The following ERBB4 variants were observed in gnomAD, a reference collection of about 807,000 sequenced individuals.
ERBB4 encodes receptor tyrosine-protein kinase erbB-4.
A neutral mutation model predicts 158.0 loss-of-function variants in ERBB4; 42 were observed. That is an observed-to-expected ratio of 0.27 (90% CI 0.21 to 0.34). The LOEUF (loss-of-function observed/expected upper bound fraction) is 0.34. Among genes scored for constraint, ERBB4 ranks in the 10% least tolerant of loss-of-function variants. The pLI is 1.00. For synonymous variants in ERBB4, 583 were observed against 558.7 expected (o/e 1.04, Z -0.61); for missense variants, 1,333 against 1,624.1 (o/e 0.82, Z 3.08).
At chr2:211,646,781 T>C (rs148031879) in intron 16 of ERBB4, among the ~76,000 whole-genome samples, 39 of 151,822 alleles carry the variant, frequency 2.6e-4, no homozygotes, top group African/African-American at 8.2e-4. Context: ...TCTAATTTAA[T>C]GAGTCTAGAG....
intron 18 of ERBB4, 82 bp from the exon 19 acceptor site, chr2:211,619,357 A>C: frequency 1.3e-6 from 1 of 799,680 alleles, no homozygotes; most frequent in Non-Finnish European, 2.2e-6. Context: ...TTGATATTAT[A>C]ACATTCAATC....
chr2:212,027,407 A>T (rs2076798920), intron 2 of ERBB4, among the ~76,000 whole-genome samples: 2 of 151,976 alleles, frequency 1.3e-5, no homozygotes, highest in Non-Finnish European at 2.9e-5. Context: ...GAGAGTTTAG[A>T]CCCTTAGCTT....
intron 1 of ERBB4, among the ~76,000 whole-genome samples, chr2:212,380,580 A>AT: frequency 6.6e-6 from 1 of 150,938 alleles, no homozygotes; most frequent in Non-Finnish European, 1.5e-5. Context: ...TTATTTTAAG[A>AT]TAGTGTACTT....
In ERBB4 at chr2:211,677,325, G is replaced by A. The variant is rs191874008; in HGVS notation, c.1622+1727C>T. ...CATACCTGTAATCCCAGCACTTTGG[G>A]AGGCCGAGGCAGGCAGATCACCTGA... On this transcript the variant is annotated intron_variant, in intron 13 of 27. Transcript: ENST00000342788. 2.0e-3 allele frequency among the ~76,000 whole-genome samples: 298 copies of A among 152,212 alleles called. 2 individuals carry two copies. The highest frequency in any genetic ancestry group is 9.6e-3 in the Admixed American group (147 of 15,284).
chr2:212,013,228 TG>T (rs2125310886), intron 2 of ERBB4, among the ~76,000 whole-genome samples: 1 of 152,226 alleles, frequency 6.6e-6, no homozygotes, highest in South Asian at 2.1e-4. Context: ...AACTAATTTT[TG>T]TATTTTTACC....
chr2:211,924,266 G>A (rs887294454), intron 3 of ERBB4, among the ~76,000 whole-genome samples: 1 of 152,144 alleles, frequency 6.6e-6, no homozygotes, highest in Non-Finnish European at 1.5e-5. Flanking sequence ...CCAGGGGTTG[G>A]CATGATAACA....
chr2:212,299,014 G>A (rs1406988975), intron 1 of ERBB4, among the ~76,000 whole-genome samples: 1 of 151,616 alleles, frequency 6.6e-6, no homozygotes, highest in African/African-American at 2.4e-5. Context: ...TTTATTGTGA[G>A]CTCAGTTTTT....
intron 2 of ERBB4, among the ~76,000 whole-genome samples, chr2:212,005,459 G>T (rs2076238088): frequency 6.6e-6 from 1 of 152,136 alleles, no homozygotes; most frequent in African/African-American, 2.4e-5. Context: ...ATGATGTAAT[G>T]CTCTGTAATA....
chr2:211,443,634 C>T (rs937183128), intron 20 of ERBB4, among the ~76,000 whole-genome samples: 1 of 152,026 alleles, frequency 6.6e-6, no homozygotes, highest in Non-Finnish European at 1.5e-5. Flanking sequence ...TCATTGACAT[C>T]TGGGGGAGTG....
intron 2 of ERBB4, among the ~76,000 whole-genome samples, chr2:211,952,682 C>T (rs2125152135): frequency 6.6e-6 from 1 of 152,166 alleles, no homozygotes. Flanking sequence ...CATCAGGTTG[C>T]TTAACCTCAT....
At position 212,005,962 on chromosome 2, in the gene ERBB4, T is replaced by C. The variant is rs77620886; in HGVS notation, c.235-58346A>G. On this transcript the variant is annotated intron_variant, in intron 2 of 27. Coordinates refer to ENST00000342788, the MANE Select transcript of ERBB4 (RefSeq NM_005235.3). ...ATAAATAACACTAAAAACTACATATTAGGATTGCAAAAATTTGCTTCTATA... is the reference window on the plus strand; with the variant it reads ...ATAAATAACACTAAAAACTACATATCAGGATTGCAAAAATTTGCTTCTATA... Among the ~76,000 whole-genome samples, 136 of 151,372 alleles carry C rather than the reference T, an allele frequency of 9.0e-4. 2 individuals are homozygous for C. Among genetic ancestry groups the C allele is most frequent in the Non-Finnish European group, 1.4e-3 (94 of 67,876 alleles).
At chr2:211,498,273 T>C (rs904542290) in intron 20 of ERBB4, among the ~76,000 whole-genome samples, 2 of 152,124 alleles carry the variant, frequency 1.3e-5, no homozygotes, top group African/African-American at 2.4e-5. Flanking sequence ...TTACATAGAA[T>C]GAGTGTCCTA....
intron 1 of ERBB4, among the ~76,000 whole-genome samples, chr2:212,529,849 A>T (rs1692654390): frequency 6.6e-6 from 1 of 152,172 alleles, no homozygotes; most frequent in Admixed American, 6.5e-5. Context: ...AAGATTCAAA[A>T]GTTTGGCCAA....
intron 12 of ERBB4, among the ~76,000 whole-genome samples, chr2:211,701,296 T>C (rs1456376336): frequency 6.6e-6 from 1 of 152,214 alleles, no homozygotes; most frequent in African/African-American, 2.4e-5. Flanking sequence ...TCTGTTATTC[T>C]GTTATGAAAC....
Position 211,608,234 on chromosome 2 carries a change from C to T in ERBB4, c.2301+10943G>A, listed in dbSNP as rs2069061928. On this transcript the variant is annotated intron_variant, in intron 19 of 27. Transcript: ENST00000342788. Reference sequence around the variant, plus strand: ...ATACCTCTTGAACAAAGCTTGATTTCCATCGATGCAGCGGGCAGCTGAAGG... The same window carrying T: ...ATACCTCTTGAACAAAGCTTGATTTTCATCGATGCAGCGGGCAGCTGAAGG... 2.0e-5 allele frequency among the ~76,000 whole-genome samples: 3 copies of T among 152,218 alleles called. No individual in the cohort carries two copies. The South Asian group carries it at 6.2e-4, about 32-fold the overall frequency.
chr2:212,405,319 T>C (rs1005778537), intron 1 of ERBB4, among the ~76,000 whole-genome samples: 1 of 151,460 alleles, frequency 6.6e-6, no homozygotes, highest in Non-Finnish European at 1.5e-5. Flanking sequence ...ATGGCTGTTA[T>C]TAAAAAGTAA....
intron 2 of ERBB4, among the ~76,000 whole-genome samples, chr2:212,116,640 T>C (rs2079580468): frequency 6.6e-6 from 1 of 152,122 alleles, no homozygotes; most frequent in Non-Finnish European, 1.5e-5. Flanking sequence ...AGAGACAGGG[T>C]CTCACTATGT....
chr2:211,515,922 T>A (rs1406843328), intron 20 of ERBB4, among the ~76,000 whole-genome samples: 2 of 86,218 alleles, frequency 2.3e-5, no homozygotes, highest in African/African-American at 9.3e-5. Context: ...ATTTTTTTTT[T>A]TTTTTTTTTT....
At chr2:212,296,018 T>G (rs1271171899) in intron 1 of ERBB4, among the ~76,000 whole-genome samples, 1 of 152,034 alleles carries the variant, frequency 6.6e-6, no homozygotes, top group African/African-American at 2.4e-5. Context: ...CTCAATTAGA[T>G]GATCCCAGGA....
Sources: gnomAD v4.1 joint callset for allele counts (sites outside exome capture counted in the v4.1 genomes callset) on GRCh38, gnomAD v4.1.1 for gene constraint, MANE v1.5 for transcripts, NCBI Gene and HGNC (gene_info 2026-07-23, HGNC 2026-07-21) for gene names.